The following CHL1 variants were observed in gnomAD, a reference collection of about 807,000 sequenced individuals.
CHL1 encodes the protein cell adhesion molecule L1 like.
A neutral mutation model predicts 141.9 loss-of-function variants in CHL1; 96 were observed. The ratio of observed to expected loss-of-function variants is 0.68; its 90% CI spans 0.57 to 0.80. The LOEUF (loss-of-function observed/expected upper bound fraction) is 0.80. CHL1 is among the 30% of genes least tolerant of loss of function. CHL1 has a pLI of 0.00. For synonymous variants in CHL1, 613 were observed against 502.2 expected (o/e 1.22, Z -2.95); for missense variants, 1,820 against 1,457.2 (o/e 1.25, Z -4.05).
At chr3:277,139 G>C (rs1696213177) in intron 2 of CHL1, among the ~76,000 whole-genome samples, 1 of 152,042 alleles carries the variant, frequency 6.6e-6, no homozygotes, top group African/African-American at 2.4e-5. Context: ...TGTAGTGTTT[G>C]TTACATGAGT....
rs757173710 is a variant in CHL1, at chr3:342,067, CTAACAGT to C, written c.673_679del (p.Asn225Ter). 1 of 1,610,512 alleles carries C rather than the reference CTAACAGT, an allele frequency of 6.2e-7. No homozygotes were observed. The highest frequency in any genetic ancestry group is 8.5e-7 in the Non-Finnish European group (1 of 1,177,164). On this transcript the variant is annotated frameshift_variant, in exon 7 of 28. Coordinates refer to ENST00000256509, the MANE Select transcript of CHL1 (RefSeq NM_006614.4). LOFTEE classifies it high-confidence loss of function. ...TATTGTACAGAAAATGCCAATGAAA[CTAACAGT>C]TAACAGTTGTAAGTCCACATAATTT...
chr3:225,515 G>C (rs907516554), intron 1 of CHL1, among the ~76,000 whole-genome samples: 1 of 152,192 alleles, frequency 6.6e-6, no homozygotes, highest in African/African-American at 2.4e-5. Context: ...TGAGAATTAA[G>C]AATTAATTGT....
At chr3:231,129 G>A (rs957349532) in intron 1 of CHL1, among the ~76,000 whole-genome samples, 3 of 151,984 alleles carry the variant, frequency 2.0e-5, no homozygotes, top group Admixed American at 2.0e-4. Context: ...ATTTACTATC[G>A]GTTTTGTCTA....
At chr3:289,970 T>G in intron 2 of CHL1, among the ~76,000 whole-genome samples, 1 of 139,586 alleles carries the variant, frequency 7.2e-6, no homozygotes, top group South Asian at 2.4e-4. Flanking sequence ...AGTCTCACTC[T>G]ATCACCCAGG....
rs1337864041 is a variant in CHL1 at position 199,433 on chromosome 3, AT to A, written c.-175+2373del. On this transcript the variant is annotated intron_variant, in intron 1 of 27. Transcript: ENST00000256509. ...TTTCTTCAAAGAAACGGCTATAGAT[AT>A]TTATTGATTCCTCATGGTTATATAG... Among the ~76,000 whole-genome samples the A allele has an allele frequency of 2.6e-5, 4 of 152,304 alleles. No individual in the cohort carries two copies. In the East Asian group the frequency reaches 7.7e-4, roughly 29 times the overall value.
intron 2 of CHL1, among the ~76,000 whole-genome samples, chr3:318,328 A>G (rs979263724): frequency 6.6e-6 from 1 of 151,912 alleles, no homozygotes; most frequent in Non-Finnish European, 1.5e-5. Flanking sequence ...GTAAGTTTAA[A>G]GACTTTACTA....
chr3:370,693 A>T (rs1705519578), intron 15 of CHL1, among the ~76,000 whole-genome samples: 1 of 151,850 alleles, frequency 6.6e-6, no homozygotes, highest in Admixed American at 6.6e-5. Flanking sequence ...TTTAATTGTG[A>T]TGTTAGCATG....
At chr3:336,641 C>A (rs931855971) in intron 5 of CHL1, among the ~76,000 whole-genome samples, 7 of 152,140 alleles carry the variant, frequency 4.6e-5, no homozygotes, top group Non-Finnish European at 1.0e-4. Context: ...ATCTTTGTAA[C>A]CAGTTAGTTT....
Position 394,904 on chromosome 3 carries a change from G to A in CHL1, c.3094+32G>A, listed in dbSNP as rs200109141. 1.2e-5 allele frequency: 18 copies of A among 1,528,606 alleles called. No homozygotes were observed. The Admixed American group carries it at 1.9e-4, about 17-fold the overall frequency. 94.7% of individuals were successfully genotyped at this position (1,528,606 alleles called of 1,614,324 possible). On this transcript the variant is annotated intron_variant, in intron 24 of 27. Coordinates refer to ENST00000256509, the MANE Select transcript of CHL1 (RefSeq NM_006614.4). ...ACATGAGGCTTCTCTTTTTAATAGA[G>A]GCTTTAAAAAGAGACTGCATCTTTT...
chr3:378,900 G>T (rs1344394352), intron 16 of CHL1, among the ~76,000 whole-genome samples: 1 of 152,114 alleles, frequency 6.6e-6, no homozygotes, highest in Admixed American at 6.6e-5. Flanking sequence ...AAACATTTTG[G>T]AACTATCGTA....
rs772593960 is a variant in CHL1 at position 405,539 on chromosome 3, A to C, written c.3503A>C (p.Asn1168Thr). ...KPLKGSLRSLNRDMQPTESAD... is the reference protein window; with the variant it reads ...KPLKGSLRSLTRDMQPTESAD... ...CTCAAAGGAAGCCTTCGGTCCCTTA[A>C]TAGGGATATGCAGCCTACTGAAAGT... Residue 1168 changes from asparagine (N) to threonine (T), a missense_variant, in exon 28 of 28, where the codon AAT (asparagine) becomes ACT (threonine). By Grantham distance (65) the Asn-to-Thr change is moderately conservative. Transcript: ENST00000256509. The C allele has an allele frequency of 3.1e-6, 5 of 1,613,342 alleles. No individual in the cohort carries two copies. In the Admixed American group the frequency reaches 8.3e-5, roughly 27 times the overall value.
chr3:249,165 G>C (rs1472849971), intron 2 of CHL1, among the ~76,000 whole-genome samples: 1 of 151,666 alleles, frequency 6.6e-6, no homozygotes, highest in African/African-American at 2.4e-5. Flanking sequence ...AAACAAACCA[G>C]CGAAATATAT....
intron 2 of CHL1, among the ~76,000 whole-genome samples, chr3:257,603 C>T (rs557468357): frequency 1.3e-5 from 2 of 152,214 alleles, no homozygotes; most frequent in East Asian, 1.9e-4. Flanking sequence ...TCTACTGCCT[C>T]GGCCTCCCTA....
intron 2 of CHL1, among the ~76,000 whole-genome samples, chr3:252,401 T>TATATATATATATA (rs4002883): frequency 2.8e-5 from 4 of 140,540 alleles, no homozygotes; most frequent in Admixed American, 7.2e-5. Context: ...TATATATATA[T>TATATATATATATA]TTCTATTTTG....
chr3:324,725 A>G lies in CHL1; in HGVS notation c.92-1234A>G, dbSNP rs187503530. On this transcript the variant is annotated intron_variant, in intron 3 of 27. Coordinates refer to ENST00000256509, the MANE Select transcript of CHL1 (RefSeq NM_006614.4). ...TTGATCACACCTCACAACAGCTTCA[A>G]CCTCCTGGTCTCAAAATTAATCCAG... Among the ~76,000 whole-genome samples, 1,260 of 151,518 alleles carry G rather than the reference A, an allele frequency of 8.3e-3. 7 individuals are homozygous for G. The highest frequency in any genetic ancestry group is 0.014 in the Non-Finnish European group (959 of 67,868).
intron 11 of CHL1, among the ~76,000 whole-genome samples, chr3:358,453 G>A (rs897614402): frequency 1.3e-5 from 2 of 152,104 alleles, no homozygotes; most frequent in African/African-American, 4.8e-5. Flanking sequence ...AATCACATCT[G>A]CAAGTCCCTT....
At chr3:354,943 A>G (rs914404539) in intron 11 of CHL1, among the ~76,000 whole-genome samples, 172 bp downstream of exon 11, 2 of 152,214 alleles carry the variant, frequency 1.3e-5, no homozygotes, top group Non-Finnish European at 2.9e-5. Context: ...AAGACTTGAT[A>G]TTCATGGAAG....
At chr3:312,812 G>A (rs381357) in intron 2 of CHL1, among the ~76,000 whole-genome samples, 54,338 of 151,968 alleles carry the variant, frequency 0.36, 11,199 homozygotes, top group African/African-American at 0.58. Flanking sequence ...AAACATTTCC[G>A]AGTTATAGCA....
At chr3:269,193 T>A (rs987199227) in intron 2 of CHL1, among the ~76,000 whole-genome samples, 1 of 151,842 alleles carries the variant, frequency 6.6e-6, no homozygotes, top group Non-Finnish European at 1.5e-5. Context: ...AGGAGGAGAG[T>A]AGCTCTTTGA....
Sources: allele counts gnomAD v4.1 joint callset (sites outside exome capture counted in the v4.1 genomes callset), GRCh38; gene constraint gnomAD v4.1.1; transcripts MANE v1.5; gene names NCBI Gene and HGNC (gene_info 2026-07-23, HGNC 2026-07-21).